C4orf36: variants seen among roughly 807,000 people sequenced by gnomAD.
C4orf36 encodes the protein chromosome 4 open reading frame 36.
In C4orf36, 11 loss-of-function variants were observed where a neutral mutation model predicts 12.2. The observed-to-expected ratio is 0.90, with a 90% CI of 0.57 to 1.49. The LOEUF is 1.49. C4orf36 is among the 40% of genes most tolerant of loss of function. The pLI is 0.00. For synonymous variants in C4orf36, 54 were observed against 51.3 expected, an observed-to-expected ratio of 1.05 and a Z score of -0.22; for missense variants, 137 against 133.9, an observed-to-expected ratio of 1.02 and a Z score of -0.11.
chr4:86,931,601 G>A, the C4orf36 span, among the ~76,000 whole-genome samples: 1 of 152,078 alleles, frequency 6.6e-6, no homozygotes, highest in Non-Finnish European at 1.5e-5. Flanking sequence ...AACTCACTAC[G>A]TTGCCTAGGC....
the C4orf36 span, among the ~76,000 whole-genome samples, chr4:86,906,629 G>C: frequency 6.6e-6 from 1 of 150,758 alleles, no homozygotes; most frequent in South Asian, 2.1e-4. Flanking sequence ...TTGGGAGGCT[G>C]AGGCATGAGA....
At chr4:86,914,099 C>T in the C4orf36 span, 2 of 1,607,364 alleles carry the variant, frequency 1.2e-6, no homozygotes, top group Admixed American at 1.7e-5. Flanking sequence ...TGCTCACCCA[C>T]CAGTCATTTT....
the C4orf36 span, among the ~76,000 whole-genome samples, chr4:86,922,739 C>T: frequency 6.6e-6 from 1 of 152,180 alleles, no homozygotes; most frequent in Non-Finnish European, 1.5e-5. Context: ...TGCAGCTGCA[C>T]CACCACCTCT....
At chr4:86,891,413 A>C (rs377328926) in intron 2 of C4orf36, 43 bp downstream of exon 2, 1 of 1,568,944 alleles carries the variant, frequency 6.4e-7, no homozygotes, top group Non-Finnish European at 8.7e-7. Flanking sequence ...TCCCCACCGC[A>C]GTCAATGCTT....
chr4:86,876,597 A>G, intron 4 of C4orf36, 154 bp from the exon 5 acceptor site: 1 of 1,613,984 alleles, frequency 6.2e-7, no homozygotes. Context: ...TTACATACAC[A>G]GAAGAACAGA....
chr4:86,912,281 A>G, the C4orf36 span, among the ~76,000 whole-genome samples: 1 of 152,190 alleles, frequency 6.6e-6, no homozygotes, highest in African/African-American at 2.4e-5. Flanking sequence ...TCGGCCTCCC[A>G]AAGTGTCGGA....
chr4:86,900,121 C>T, the C4orf36 span, among the ~76,000 whole-genome samples: 9,379 of 151,922 alleles, frequency 0.062, 429 homozygotes, highest in Non-Finnish European at 0.088. Context: ...CTGCAACCTC[C>T]GCCTCCTGGG....
the C4orf36 span, among the ~76,000 whole-genome samples, chr4:86,900,323 G>C: frequency 3.5e-4 from 53 of 152,214 alleles, no homozygotes; most frequent in East Asian, 7.1e-3. Context: ...GTGAGCCACC[G>C]CACCTGGCAG....
At chr4:86,913,971 TTAATG>T in the C4orf36 span, 3 of 1,557,512 alleles carry the variant, frequency 1.9e-6, no homozygotes, top group Non-Finnish European at 2.7e-6. Flanking sequence ...ATCCACTTCT[TTAATG>T]TAGGCAGAAA....
At chr4:86,880,750 T>G (rs1747033317) in intron 4 of C4orf36, among the ~76,000 whole-genome samples, 1 of 151,726 alleles carries the variant, frequency 6.6e-6, no homozygotes, top group African/African-American at 2.4e-5. Context: ...GTAGATAAAA[T>G]GTAGAATTAG....
chr4:86,915,503 G>T, the C4orf36 span, among the ~76,000 whole-genome samples: 4 of 152,326 alleles, frequency 2.6e-5, no homozygotes, highest in South Asian at 2.1e-4. Flanking sequence ...AGGAGGGAAG[G>T]CTGGGCACGG....
intron 1 of C4orf36, chr4:86,891,959 C>T (rs757217627): frequency 2.0e-6 from 2 of 996,110 alleles, no homozygotes; most frequent in Non-Finnish European, 2.4e-6. Context: ...CCGGCCCGGG[C>T]ACTTTGAGCA....
At chr4:86,880,027 T>C (rs1221438370) in intron 4 of C4orf36, among the ~76,000 whole-genome samples, 1 of 152,106 alleles carries the variant, frequency 6.6e-6, no homozygotes, top group Non-Finnish European at 1.5e-5. Flanking sequence ...ATTTTCTTTT[T>C]ATTTTTTGTA....
At chr4:86,930,513 T>G in the C4orf36 span, among the ~76,000 whole-genome samples, 526 of 152,372 alleles carry the variant, frequency 3.5e-3, 5 homozygotes, top group African/African-American at 0.012. Flanking sequence ...TTCAAGGAGA[T>G]TAAATAAAGT....
Position 86,892,223 on chromosome 4 carries a change from T to C in C4orf36, c.-114A>G. On this transcript the variant is annotated 5_prime_UTR_variant, in exon 1 of 5. Coordinates refer to ENST00000295898, the MANE Select transcript of C4orf36 (RefSeq NM_144645.4). ...CCTCCGACTCGCCAGGAATGCGCTGTGTGCGCGGGGCTTCCAGGGTGGCGG... is the reference window on the plus strand; with the variant it reads ...CCTCCGACTCGCCAGGAATGCGCTGCGTGCGCGGGGCTTCCAGGGTGGCGG... The C allele has an allele frequency of 8.1e-6, 8 of 985,594 alleles. No homozygotes were observed. The highest frequency in any genetic ancestry group is 9.6e-6 in the Non-Finnish European group (8 of 830,056). 61.1% of individuals were successfully genotyped at this position (985,594 alleles called of 1,614,324 possible). A position where few individuals can be genotyped will look rare whatever the true frequency, so the allele number is the denominator to read the frequency against.
At chr4:86,891,420 G>C (rs757062806) in intron 2 of C4orf36, 36 bp downstream of exon 2, 17 of 1,539,454 alleles carry the variant, frequency 1.1e-5, no homozygotes, top group African/African-American at 1.6e-5. Flanking sequence ...CGCAGTCAAT[G>C]CTTACCCTGA....
At position 86,888,249 on chromosome 4, in the gene C4orf36, A is replaced by T. The variant is rs762453286; in HGVS notation, c.92T>A (p.Leu31His). The T allele has an allele frequency of 6.2e-7, 1 of 1,614,012 alleles. No homozygotes were observed. The highest frequency in any genetic ancestry group is 1.1e-5 in the South Asian group (1 of 90,986). ...TAGGTTTGTGGACCAGGTCTTTGCA[A>T]GCAATGCAATATCCCAAGGTTCCTG... ...NVQEPWDIAL[L>H]AKTWSTNLAN... Residue 31 changes from leucine (L) to histidine (H), a missense_variant, in exon 3 of 5, where the codon CTT becomes CAT. Coordinates refer to ENST00000295898, the MANE Select transcript of C4orf36 (RefSeq NM_144645.4).
the C4orf36 span, among the ~76,000 whole-genome samples, chr4:86,901,194 A>AT: frequency 6.6e-6 from 1 of 151,612 alleles, no homozygotes. Context: ...CATGTTGGCC[A>AT]GGCTGGTCTC....
the C4orf36 span, chr4:86,913,328 T>C: frequency 1.2e-6 from 1 of 804,738 alleles, no homozygotes; most frequent in Non-Finnish European, 2.1e-6. Flanking sequence ...CCGATGTCAG[T>C]AGTGCAAAAT....
Sources: gnomAD v4.1 joint callset for allele counts (sites outside exome capture counted in the v4.1 genomes callset) on GRCh38, gnomAD v4.1.1 for gene constraint, MANE v1.5 for transcripts, NCBI Gene and HGNC (gene_info 2026-07-23, HGNC 2026-07-21) for gene names.